Variants in SLC35A1 observed in about 807,000 individuals in gnomAD.
SLC35A1 encodes CMP-sialic acid transporter.
SLC35A1 carries 21 observed loss-of-function variants against 40.3 expected under a neutral mutation model. The ratio of observed to expected loss-of-function variants is 0.52; its 90% CI spans 0.37 to 0.75. The LOEUF (loss-of-function observed/expected upper bound fraction) is 0.75, where lower values mean the gene tolerates loss of function less well. Among genes scored for constraint, SLC35A1 ranks in the 30% least tolerant of loss-of-function variants. The probability of loss-of-function intolerance (pLI) is 0.00; values close to 1 mark genes in which losing one functional copy is unlikely to be tolerated. For synonymous variants in SLC35A1, 146 were observed against 147.3 expected, an observed-to-expected ratio of 0.99 and a Z score of 0.06; for missense variants, 297 against 382.1, an observed-to-expected ratio of 0.78 and a Z score of 1.86.
At chr6:87,494,022 T>C (rs1031748874) in intron 2 of SLC35A1, among the ~76,000 whole-genome samples, 1 of 151,910 alleles carries the variant, frequency 6.6e-6, no homozygotes, top group African/African-American at 2.4e-5. Context: ...GTAAATGTTA[T>C]GTGCAAGAGA....
At chr6:87,495,036 C>T (rs75177409) in intron 2 of SLC35A1, among the ~76,000 whole-genome samples, 9,950 of 152,124 alleles carry the variant, frequency 0.065, 451 homozygotes, top group Non-Finnish European at 0.098. Context: ...GTAGCGTGAT[C>T]TTGACTTGCT....
At position 87,508,602 on chromosome 6, in the gene SLC35A1, T is replaced by C. The variant is rs1770159311; in HGVS notation, c.751+6T>C. The C allele has an allele frequency of 6.2e-7, 1 of 1,608,816 alleles. No homozygotes were observed. The highest frequency in any genetic ancestry group is 8.5e-7 in the Non-Finnish European group (1 of 1,176,774). Reference sequence around the variant, plus strand: ...TTATGTCTGGTTTGTCATCTGTAAGTATCCAGGAATTAAAGGTTCTTAGTA... The same window carrying C: ...TTATGTCTGGTTTGTCATCTGTAAGCATCCAGGAATTAAAGGTTCTTAGTA... On this transcript the variant is annotated splice_donor_region_variant and intron_variant, in intron 6 of 7. Transcript: ENST00000369552.
intron 3 of SLC35A1, 85 bp downstream of exon 3, chr6:87,500,752 T>A (rs1769895243): frequency 6.3e-6 from 8 of 1,264,072 alleles, no homozygotes; most frequent in Non-Finnish European, 8.8e-6. Flanking sequence ...ATTATCAATT[T>A]TTTTTTTTTT....
chr6:87,478,223 A>G (rs1769131206), intron 2 of SLC35A1, among the ~76,000 whole-genome samples: 1 of 152,236 alleles, frequency 6.6e-6, no homozygotes, highest in South Asian at 2.1e-4. Flanking sequence ...GGTATAAGAG[A>G]GGGTTAAGAA....
chr6:87,505,908 G>T (rs1277111231), intron 4 of SLC35A1, among the ~76,000 whole-genome samples: 1 of 152,180 alleles, frequency 6.6e-6, no homozygotes, highest in African/African-American at 2.4e-5. Context: ...AATGTATCTG[G>T]TACACAGAAG....
rs1485790297 is a variant in SLC35A1, at chr6:87,477,342, T to C, written c.17-20T>C. ...ATATATTGTCTACTAAGTAATGTCT[T>C]TGTTGCACGTATTTTCCAGACAATG... On this transcript the variant is annotated intron_variant, in intron 1 of 7. Transcript: ENST00000369552. The C allele has an allele frequency of 2.5e-6, 4 of 1,603,644 alleles. No individual in the cohort carries two copies. Among genetic ancestry groups the C allele is most frequent in the Non-Finnish European group, 3.4e-6 (4 of 1,174,134 alleles).
chr6:87,509,634 T>A (rs1005672345), intron 7 of SLC35A1, among the ~76,000 whole-genome samples: 1 of 152,192 alleles, frequency 6.6e-6, no homozygotes, highest in Non-Finnish European at 1.5e-5. Flanking sequence ...CCAACTGCTT[T>A]GCATTTGGGT....
chr6:87,492,640 T>C (rs952268796), intron 2 of SLC35A1, among the ~76,000 whole-genome samples: 10 of 150,720 alleles, frequency 6.6e-5, no homozygotes, highest in African/African-American at 2.4e-4. Context: ...CTCCGCCTCC[T>C]GGGTTCAAGC....
chr6:87,494,580 G>A (rs1215952212), intron 2 of SLC35A1, among the ~76,000 whole-genome samples: 3 of 151,748 alleles, frequency 2.0e-5, no homozygotes, highest in African/African-American at 4.8e-5. Flanking sequence ...CTGCCACCAC[G>A]CCTGGCTATT....
intron 2 of SLC35A1, among the ~76,000 whole-genome samples, chr6:87,479,700 C>T (rs917039852): frequency 1.3e-5 from 2 of 152,216 alleles, no homozygotes; most frequent in African/African-American, 2.4e-5. Context: ...TCCCTAATTG[C>T]TCAGCTATTC....
intron 2 of SLC35A1, among the ~76,000 whole-genome samples, chr6:87,480,270 G>T (rs1769207813): frequency 6.6e-6 from 1 of 152,204 alleles, no homozygotes; most frequent in Admixed American, 6.5e-5. Flanking sequence ...GGAAATAGCA[G>T]AGAAAGAGCT....
At chr6:87,479,913 A>G (rs955892789) in intron 2 of SLC35A1, among the ~76,000 whole-genome samples, 2 of 152,218 alleles carry the variant, frequency 1.3e-5, no homozygotes, top group African/African-American at 4.8e-5. Context: ...TGAATGACCT[A>G]TAAGGAGCTT....
At chr6:87,499,077 T>C (rs749573274) in intron 2 of SLC35A1, 13 of 969,036 alleles carry the variant, frequency 1.3e-5, no homozygotes, top group Admixed American at 6.2e-5. Context: ...AGGATGTCTT[T>C]TGTTTCTGTG....
chr6:87,509,046 G>T lies in SLC35A1; in HGVS notation c.757G>T (p.Ala253Ser), dbSNP rs1484245900. 1.9e-6 allele frequency: 3 copies of T among 1,613,780 alleles called. No homozygotes were observed. Among genetic ancestry groups the T allele is most frequent in the Non-Finnish European group, 2.5e-6 (3 of 1,179,834 alleles). The change falls in exon 7 of 8, where the codon GCA becomes TCA. Residue 253 changes from alanine to serine, a missense_variant. Transcript: ENST00000369552. ...TYYVWFVIFL[A>S]SVGGLYTSVV... is the part of the protein sequence containing the mutation. ...TATTTCTCTCTGTATACAAGTTCTT[G>T]CAAGTGTTGGTGGCCTCTACACTTC...
intron 2 of SLC35A1, among the ~76,000 whole-genome samples, chr6:87,498,736 CT>C (rs1353368975): frequency 6.6e-6 from 1 of 152,118 alleles, no homozygotes; most frequent in African/African-American, 2.4e-5. Flanking sequence ...CACCATTGCA[CT>C]CCAGGTTGGG....
chr6:87,480,493 G>A (rs1026494540), intron 2 of SLC35A1, among the ~76,000 whole-genome samples: 4 of 152,158 alleles, frequency 2.6e-5, no homozygotes, highest in Non-Finnish European at 5.9e-5. Context: ...CCTGTCAATA[G>A]CTATGGTTTG....
intron 1 of SLC35A1, among the ~76,000 whole-genome samples, chr6:87,473,404 G>C (rs2127960831): frequency 6.6e-6 from 1 of 152,306 alleles, no homozygotes; most frequent in South Asian, 2.1e-4. Flanking sequence ...TGGCCCCGCG[G>C]CTCCGGTCTC....
chr6:87,473,478 T>G (rs1217449098), intron 1 of SLC35A1, among the ~76,000 whole-genome samples: 1 of 152,134 alleles, frequency 6.6e-6, no homozygotes, highest in Non-Finnish European at 1.5e-5. Flanking sequence ...GCAGATCCCA[T>G]GCGGCGGCTG....
intron 2 of SLC35A1, among the ~76,000 whole-genome samples, chr6:87,490,107 T>C (rs1268245988): frequency 6.6e-6 from 1 of 151,704 alleles, no homozygotes; most frequent in African/African-American, 2.4e-5. Flanking sequence ...TGTGCACCTT[T>C]AGTCCCAGCT....
Sources: gnomAD v4.1 joint callset for allele counts (sites outside exome capture counted in the v4.1 genomes callset) on GRCh38, gnomAD v4.1.1 for gene constraint, MANE v1.5 for transcripts, NCBI Gene and HGNC (gene_info 2026-07-23, HGNC 2026-07-21) for gene names.